Variants in CEP85L observed in about 807,000 individuals in gnomAD.
CEP85L encodes centrosomal protein of 85 kDa-like.
CEP85L carries 60 observed loss-of-function variants against 100.3 expected under a neutral mutation model. The observed-to-expected ratio is 0.60, with a 90% CI of 0.49 to 0.74. The LOEUF is 0.74. Ranked by LOEUF, CEP85L falls within the 30% of genes least tolerant of loss-of-function variation. The probability of loss-of-function intolerance (pLI) is 0.00; values close to 1 mark genes in which losing one functional copy is unlikely to be tolerated. For synonymous variants in CEP85L, 319 were observed against 322.7 expected, an observed-to-expected ratio of 0.99 and a Z score of 0.12; for missense variants, 973 against 936.2, an observed-to-expected ratio of 1.04 and a Z score of -0.51.
intron 3 of CEP85L, among the ~76,000 whole-genome samples, chr6:118,542,744 G>A (rs933689811): frequency 3.3e-5 from 5 of 151,682 alleles, no homozygotes; most frequent in African/African-American, 1.2e-4. Flanking sequence ...GAATGCCATT[G>A]TTTTGGACTG....
chr6:118,589,519 G>A (rs1781058051), intron 2 of CEP85L: 1 of 253,500 alleles, frequency 3.9e-6, no homozygotes, highest in Non-Finnish European at 8.6e-6. Flanking sequence ...CCTCTGAGAA[G>A]ACTAACAAGA....
chr6:118,683,005 AG>A (rs1412848080), intron 1 of CEP85L, among the ~76,000 whole-genome samples: 1 of 152,204 alleles, frequency 6.6e-6, no homozygotes, highest in Non-Finnish European at 1.5e-5. Flanking sequence ...GGCCTGAATT[AG>A]AAGGAAGACA....
In CEP85L at chr6:118,523,886, G is replaced by C; in HGVS notation, c.1055C>G (p.Pro352Arg). The C allele has an allele frequency of 6.2e-7, 1 of 1,606,890 alleles. No individual in the cohort carries two copies. The highest frequency in any genetic ancestry group is 8.5e-7 in the Non-Finnish European group (1 of 1,174,778). The change falls in exon 4 of 13, where the codon CCT (proline) becomes CGT (arginine). Residue 352 changes from proline to arginine, a missense_variant. Physicochemically the swap from Pro to Arg is moderately radical, Grantham distance 103. Around this residue, in one of 3 missense-constraint regions of CEP85L, gnomAD observed 890 missense variants for 844.5 expected, o/e 1.05. Transcript: ENST00000368491. ...CCACTTACTGAAATCCTGATAGCCA[G>C]GTGAATAACTTTGACGAGATGATCC... Reference protein sequence around the residue: ...LTGSSRQSYSPGYQDFSKWES... With the variant: ...LTGSSRQSYSRGYQDFSKWES...
At chr6:118,639,772 T>C (rs1490138479) in intron 1 of CEP85L, among the ~76,000 whole-genome samples, 1 of 152,216 alleles carries the variant, frequency 6.6e-6, no homozygotes, top group Non-Finnish European at 1.5e-5. Context: ...ATGTAGTCAT[T>C]ATAACCACTG....
intron 2 of CEP85L, among the ~76,000 whole-genome samples, chr6:118,575,667 CTT>C (rs1343730432): frequency 6.6e-6 from 1 of 152,176 alleles, no homozygotes. Flanking sequence ...GTCTAAACCT[CTT>C]GAGAGAAATA....
chr6:118,545,595 A>C (rs72952761), intron 3 of CEP85L, among the ~76,000 whole-genome samples: 25,097 of 152,140 alleles, frequency 0.16, 2,213 homozygotes, highest in Non-Finnish European at 0.19. Flanking sequence ...CCCCCTTCCA[A>C]AAAAAATTAG....
chr6:118,483,143 A>C (rs1047167004), intron 7 of CEP85L, among the ~76,000 whole-genome samples: 1 of 152,110 alleles, frequency 6.6e-6, no homozygotes, highest in African/African-American at 2.4e-5. Flanking sequence ...TTGGGAAGAG[A>C]CTGAAGAGTA....
At chr6:118,591,658 C>T (rs1033136115) in intron 2 of CEP85L, among the ~76,000 whole-genome samples, 1 of 152,008 alleles carries the variant, frequency 6.6e-6, no homozygotes, top group African/African-American at 2.4e-5. Context: ...TATTTAAACC[C>T]CAGAGAATTC....
At chr6:118,483,986 A>C in intron 6 of CEP85L, 128 bp from the exon 7 acceptor site, 1 of 757,614 alleles carries the variant, frequency 1.3e-6, no homozygotes, top group South Asian at 1.9e-5. Flanking sequence ...GCCACTAGCA[A>C]CTCAATTAAG....
intron 1 of CEP85L, among the ~76,000 whole-genome samples, chr6:118,666,454 T>TA (rs764903328): frequency 2.9e-4 from 44 of 152,356 alleles, no homozygotes; most frequent in Non-Finnish European, 5.6e-4. Context: ...CTCTTTCCAC[T>TA]ATACCAGGAT....
chr6:118,509,375 T>G (rs1015069363), intron 5 of CEP85L, among the ~76,000 whole-genome samples: 2 of 152,088 alleles, frequency 1.3e-5, no homozygotes, highest in Non-Finnish European at 2.9e-5. Context: ...ACTACTTCCA[T>G]AGTATAGAAA....
chr6:118,467,102 A>G (rs555655330), intron 12 of CEP85L, among the ~76,000 whole-genome samples: 1 of 152,210 alleles, frequency 6.6e-6, no homozygotes, highest in African/African-American at 2.4e-5. Flanking sequence ...AGGGAAGGAA[A>G]GTGTGTTCTG....
chr6:118,537,542 G>A (rs1777664071), intron 3 of CEP85L: 2 of 985,114 alleles, frequency 2.0e-6, no homozygotes, highest in Non-Finnish European at 2.4e-6. Context: ...GGAAATGGCA[G>A]ATTCCACTCT....
chr6:118,557,852 G>A (rs538310941), intron 3 of CEP85L, among the ~76,000 whole-genome samples: 1 of 152,110 alleles, frequency 6.6e-6, no homozygotes, highest in Non-Finnish European at 1.5e-5. Context: ...GCATGGAGCT[G>A]GATGTGCTCC....
rs548170567 is a variant in CEP85L at position 118,495,189 on chromosome 6, C to T, written c.1258-3324G>A. 3.6e-4 allele frequency among the ~76,000 whole-genome samples: 55 copies of T among 151,378 alleles called. 1 individual carries two copies. In the South Asian group the frequency reaches 9.8e-3, roughly 27 times the overall value. On this transcript the variant is annotated intron_variant, in intron 5 of 12. Transcript: ENST00000368491. ...ACATGAGGCTTCTGACTTGGACTTTCGGGTTAATGCTGGAATGAGTTAAGG... is the reference window on the plus strand; with the variant it reads ...ACATGAGGCTTCTGACTTGGACTTTTGGGTTAATGCTGGAATGAGTTAAGG...
intron 7 of CEP85L, 98 bp from the exon 8 acceptor site, chr6:118,482,031 CTAA>C: frequency 1.1e-5 from 4 of 372,624 alleles, no homozygotes; most frequent in Non-Finnish European, 1.2e-5. Context: ...AGACTTGTAG[CTAA>C]AAAAAAAAAA....
intron 2 of CEP85L, among the ~76,000 whole-genome samples, chr6:118,609,707 C>T (rs549444594): frequency 2.6e-5 from 4 of 151,674 alleles, no homozygotes; most frequent in Non-Finnish European, 5.9e-5. Context: ...AAACAAAGGG[C>T]GTTAAATATT....
chr6:118,666,262 G>A (rs1158304465), intron 1 of CEP85L, among the ~76,000 whole-genome samples: 8 of 152,078 alleles, frequency 5.3e-5, no homozygotes, highest in African/African-American at 2.4e-5. Flanking sequence ...TATCCAAAGC[G>A]GACCTATACA....
chr6:118,623,716 C>T (rs1420915714), intron 2 of CEP85L, among the ~76,000 whole-genome samples: 1 of 152,148 alleles, frequency 6.6e-6, no homozygotes, highest in Non-Finnish European at 1.5e-5. Context: ...GTATGGATGG[C>T]CTTTTCTCAC....
Sources: allele counts gnomAD v4.1 joint callset (sites outside exome capture counted in the v4.1 genomes callset), GRCh38; gene constraint gnomAD v4.1.1; regional missense constraint gnomAD v4.1.1; transcripts MANE v1.5; gene names NCBI Gene and HGNC (gene_info 2026-07-23, HGNC 2026-07-21).